Variants in STON2 observed in about 807,000 individuals in gnomAD.
STON2 encodes the protein stonin-2.
A neutral mutation model predicts 65.7 loss-of-function variants in STON2; 29 were observed. That is an observed-to-expected ratio of 0.44 (90% confidence interval 0.33 to 0.60). The LOEUF (loss-of-function observed/expected upper bound fraction) is 0.60, where lower values mean the gene tolerates loss of function less well. Among genes scored for constraint, STON2 ranks in the 20% least tolerant of loss-of-function variants. The pLI is 0.03. For synonymous variants in STON2, 404 were observed against 414.2 expected, an observed-to-expected ratio of 0.98 and a Z score of 0.30; for missense variants, 1,054 against 1,118.1, an observed-to-expected ratio of 0.94 and a Z score of 0.82.
intron 5 of STON2, among the ~76,000 whole-genome samples, chr14:81,281,959 T>A (rs1895142940): frequency 6.6e-6 from 1 of 152,224 alleles, no homozygotes; most frequent in Non-Finnish European, 1.5e-5. Flanking sequence ...CATGTATTTT[T>A]AAAACTTATT....
At chr14:81,342,774 G>T (rs981907249) in intron 4 of STON2, among the ~76,000 whole-genome samples, 2 of 152,154 alleles carry the variant, frequency 1.3e-5, no homozygotes, top group African/African-American at 4.8e-5. Context: ...TAGAAGGGGG[G>T]GCATGGGGAC....
intron 3 of STON2, among the ~76,000 whole-genome samples, chr14:81,384,584 C>T (rs1899701455): frequency 6.6e-6 from 1 of 152,130 alleles, no homozygotes. Context: ...GTATGAACCC[C>T]CCTCCCTGTC....
Position 81,266,795 on chromosome 14 carries a change from T to C in STON2, c.*1619A>G, listed in dbSNP as rs1448026559. ...TGAAACCAGGTCTTCCTAACACCGT[T>C]CCCATCAACACCACACACATAAACA... On this transcript the variant is annotated 3_prime_UTR_variant, in exon 8 of 8. Transcript: ENST00000614646. 3 of 956,492 alleles carry C rather than the reference T, an allele frequency of 3.1e-6. No individual in the cohort carries two copies. The highest frequency in any genetic ancestry group is 3.7e-6 in the Non-Finnish European group (3 of 821,620). 59.3% of individuals were successfully genotyped at this position (956,492 alleles called of 1,614,324 possible). A position where few individuals can be genotyped will look rare whatever the true frequency, so the allele number is the denominator to read the frequency against.
At chr14:81,273,670 C>CAAAAA (rs1453518213) in intron 6 of STON2, among the ~76,000 whole-genome samples, 2 of 152,080 alleles carry the variant, frequency 1.3e-5, no homozygotes, top group Non-Finnish European at 2.9e-5. Context: ...CGTTGGAATT[C>CAAAAA]AAAGGTAGCT....
At chr14:81,409,427 A>T (rs1003789203) in intron 2 of STON2, among the ~76,000 whole-genome samples, 7 of 75,840 alleles carry the variant, frequency 9.2e-5, no homozygotes, top group African/African-American at 4.2e-4. Flanking sequence ...AAATAAATAT[A>T]AAAATATATA....
Position 81,278,109 on chromosome 14 carries a change from A to G in STON2, c.1373T>C (p.Leu458Pro), listed in dbSNP as rs757305955. 2.0e-5 allele frequency: 32 copies of G among 1,614,078 alleles called. No individual in the cohort carries two copies. The highest frequency in any genetic ancestry group is 2.7e-5 in the Non-Finnish European group (32 of 1,180,046). The change falls in exon 6 of 8, where the codon CTA becomes CCA. Residue 458 changes from leucine (L) to proline (P), a missense_variant. By Grantham distance (98) the Leu-to-Pro change is moderately conservative (BLOSUM62 -3). Coordinates refer to ENST00000614646, the MANE Select transcript of STON2 (RefSeq NM_001394390.1). ...DDPDHFGSAT[L>P]PDDDPVAWIE... Reference sequence around the variant, plus strand: ...CCAGGCTACTGGGTCATCATCAGGTAGAGTTGCACTGCCAAAGTGATCAGG... The same window carrying G: ...CCAGGCTACTGGGTCATCATCAGGTGGAGTTGCACTGCCAAAGTGATCAGG...
chr14:81,329,844 C>T (rs1284149527), intron 4 of STON2, among the ~76,000 whole-genome samples: 4 of 152,084 alleles, frequency 2.6e-5, no homozygotes, highest in African/African-American at 7.2e-5. Context: ...ACCAGCTGGG[C>T]CCACAGCTGA....
intron 2 of STON2, among the ~76,000 whole-genome samples, chr14:81,415,668 C>CAAAAAAAAAAA (rs35270491): frequency 1.3e-5 from 1 of 77,306 alleles, no homozygotes; most frequent in African/African-American, 5.2e-5. Context: ...GACTCCATCG[C>CAAAAAAAAAAA]AAAAAAAAAA....
At chr14:81,365,735 G>A (rs1309592708) in intron 4 of STON2, among the ~76,000 whole-genome samples, 3 of 152,006 alleles carry the variant, frequency 2.0e-5, no homozygotes, top group Non-Finnish European at 2.9e-5. Flanking sequence ...TAGCCTGGGT[G>A]ACAGAACAAG....
chr14:81,398,179 C>T, intron 2 of STON2, 116 bp downstream of exon 2: 1 of 667,038 alleles, frequency 1.5e-6, no homozygotes, highest in Non-Finnish European at 2.4e-6. Flanking sequence ...AAGTGAGAAA[C>T]TGACCCTTTT....
intron 5 of STON2, among the ~76,000 whole-genome samples, chr14:81,291,954 A>G (rs1242163575): frequency 1.3e-5 from 2 of 152,020 alleles, no homozygotes; most frequent in Admixed American, 1.3e-4. Context: ...ATAGCCAGAA[A>G]AATGGCCCTG....
At chr14:81,359,662 T>C (rs555981514) in intron 4 of STON2, among the ~76,000 whole-genome samples, 11 of 151,414 alleles carry the variant, frequency 7.3e-5, no homozygotes, top group African/African-American at 2.7e-4. Flanking sequence ...CACAAGTAAA[T>C]AAAATGAGAA....
chr14:81,287,335 A>C (rs61978888), intron 5 of STON2, among the ~76,000 whole-genome samples: 2,253 of 152,356 alleles, frequency 0.015, 24 homozygotes, highest in Non-Finnish European at 0.022. Context: ...CATCTGTCTC[A>C]GCATTGTCCA....
intron 1 of STON2, chr14:81,427,247 G>A (rs1483391377): frequency 2.0e-5 from 3 of 152,194 alleles, no homozygotes; most frequent in Admixed American, 6.5e-5. Flanking sequence ...AAATGAACCT[G>A]CACTCTTATC....
At chr14:81,287,432 T>C (rs1402816552) in intron 5 of STON2, among the ~76,000 whole-genome samples, 1 of 152,196 alleles carries the variant, frequency 6.6e-6, no homozygotes, top group African/African-American at 2.4e-5. Context: ...AAACTACCAC[T>C]TAACATTACT....
chr14:81,277,889 G>A lies in STON2; in HGVS notation c.1593C>T (p.Phe531=). ...AAATCTCATGACAGATCTCCAGCTT[G>A]AACTCACGGAATGGTTTTTCTAGGC... ...EQGLEKPFRE[F]KLEICHEISE... is the part of the protein sequence containing the mutation. The change falls in exon 6 of 8, where the codon TTC becomes TTT. Residue 531 remains phenylalanine (F), a synonymous_variant. Transcript: ENST00000614646. 6.2e-7 allele frequency: 1 copy of A among 1,614,176 alleles called. No homozygotes were observed. Among genetic ancestry groups the A allele is most frequent in the East Asian group, 2.2e-5 (1 of 44,878 alleles).
At chr14:81,429,995 C>T (rs984987124) in intron 1 of STON2, among the ~76,000 whole-genome samples, 1 of 152,142 alleles carries the variant, frequency 6.6e-6, no homozygotes, top group African/African-American at 2.4e-5. Flanking sequence ...CACTTGACCC[C>T]TTTACTTCAG....
rs1477636621 is a variant in STON2 at position 81,324,158 on chromosome 14, G to A, written c.601C>T (p.Gln201Ter). Among the ~76,000 whole-genome samples the A allele has an allele frequency of 6.6e-6, 1 of 152,122 alleles. No individual in the cohort carries two copies. The highest frequency in any genetic ancestry group is 2.4e-5 in the African/African-American group (1 of 41,396). Residue 201 changes from glutamine to a stop codon, truncating the protein, a stop_gained, in exon 5 of 8, where the codon CAG becomes TAG. Coordinates refer to ENST00000614646, the MANE Select transcript of STON2 (RefSeq NM_001394390.1). LOFTEE classifies it high-confidence loss of function. ...GCTTGAACAGGACTCACTGCCGTCT[G>A]CCTGCCTGTCTGCCACTCCGTCCTC... is the stretch of plus-strand genomic sequence containing the variant. ...DKRTEWQTGRQTAVSPVQACS... is the reference protein window; with the variant it reads ...DKRTEWQTGR
intron 3 of STON2, among the ~76,000 whole-genome samples, chr14:81,394,565 C>G (rs992769583): frequency 6.6e-6 from 1 of 152,126 alleles, no homozygotes; most frequent in Non-Finnish European, 1.5e-5. Context: ...GGGACATTAT[C>G]CCGGTGAGCC....
Sources: allele counts gnomAD v4.1 joint callset (sites outside exome capture counted in the v4.1 genomes callset), GRCh38; gene constraint gnomAD v4.1.1; transcripts MANE v1.5; gene names NCBI Gene and HGNC (gene_info 2026-07-23, HGNC 2026-07-21).